Variants in ABCA13 observed in about 807,000 individuals in gnomAD.
ABCA13 encodes the protein ATP-binding cassette sub-family A member 13.
In ABCA13, 476 loss-of-function variants were observed where a neutral mutation model predicts 478.7. The observed-to-expected ratio is 0.99, with a 90% confidence interval of 0.92 to 1.07. The LOEUF (loss-of-function observed/expected upper bound fraction) is 1.07. Among genes scored for constraint, ABCA13 ranks in the 50% least tolerant of loss-of-function variants. ABCA13 has a pLI of 0.00. For missense variants in ABCA13, 6,060 were observed against 5,910.6 expected (o/e 1.03, Z -0.83); for synonymous variants, 2,252 against 2,158.9 (o/e 1.04, Z -1.20).
At chr7:48,473,607 C>T (rs921840635) in intron 45 of ABCA13, among the ~76,000 whole-genome samples, 1 of 152,072 alleles carries the variant, frequency 6.6e-6, no homozygotes, top group Non-Finnish European at 1.5e-5. Context: ...AGTCGTTTGT[C>T]AGGGATTCTC....
chr7:48,282,583 A>G (rs1797198023), intron 19 of ABCA13, among the ~76,000 whole-genome samples: 1 of 152,160 alleles, frequency 6.6e-6, no homozygotes, highest in Admixed American at 6.5e-5. Context: ...CTTACTCCAT[A>G]TCCTGGCCCC....
intron 38 of ABCA13, among the ~76,000 whole-genome samples, chr7:48,395,267 G>A (rs935938959): frequency 1.3e-5 from 2 of 152,196 alleles, no homozygotes; most frequent in African/African-American, 2.4e-5. Flanking sequence ...GCTGGGGTGA[G>A]CCCAAGTCGC....
At chr7:48,182,802 G>C (rs1282423461) in intron 1 of ABCA13, among the ~76,000 whole-genome samples, 4 of 152,198 alleles carry the variant, frequency 2.6e-5, no homozygotes, top group African/African-American at 9.7e-5. Context: ...ACTCCTAACT[G>C]TAAAGGATCT....
At chr7:48,595,578 G>C (rs1220443985) in intron 58 of ABCA13, among the ~76,000 whole-genome samples, 2 of 152,178 alleles carry the variant, frequency 1.3e-5, no homozygotes, top group East Asian at 3.9e-4. Context: ...AGACTTCTGG[G>C]TCGGAGATGA....
intron 15 of ABCA13, among the ~76,000 whole-genome samples, chr7:48,265,558 A>G (rs1008636318): frequency 6.6e-6 from 1 of 151,472 alleles, no homozygotes; most frequent in Non-Finnish European, 1.5e-5. Flanking sequence ...GATTCTTAAA[A>G]ATTTTGATCT....
intron 58 of ABCA13, among the ~76,000 whole-genome samples, chr7:48,600,177 TTTACTC>T (rs1790733571): frequency 6.6e-6 from 1 of 152,206 alleles, no homozygotes; most frequent in Admixed American, 6.5e-5. Flanking sequence ...ATGTCTCTGT[TTTACTC>T]TAGCAGTATG....
chr7:48,374,738 C>A lies in ABCA13; in HGVS notation c.11203+322C>A, dbSNP rs751819650. Among the ~76,000 whole-genome samples, 56 of 152,134 alleles carry A rather than the reference C, an allele frequency of 3.7e-4. 1 individual carries two copies. The highest frequency in any genetic ancestry group is 7.2e-4 in the Admixed American group (11 of 15,282). ...TCTGAACCTTCCAAGATAGGGTGTG[C>A]AAATGTGTCCATCTGTTAGATCAGG... On this transcript the variant is annotated intron_variant, in intron 34 of 61. Coordinates refer to ENST00000435803, the MANE Select transcript of ABCA13 (RefSeq NM_152701.5).
intron 41 of ABCA13, among the ~76,000 whole-genome samples, chr7:48,417,210 C>A (rs571226500): frequency 6.6e-6 from 1 of 152,194 alleles, no homozygotes; most frequent in South Asian, 2.1e-4. Flanking sequence ...CAGGGGATAA[C>A]CCTCAAGATC....
chr7:48,625,411 A>T (rs1793573840), intron 59 of ABCA13, among the ~76,000 whole-genome samples: 1 of 152,248 alleles, frequency 6.6e-6, no homozygotes, highest in African/African-American at 2.4e-5. Context: ...CTATGGAATG[A>T]TGTGCTACTG....
intron 9 of ABCA13, 59 bp downstream of exon 9, chr7:48,239,464 C>A: frequency 6.6e-7 from 1 of 1,513,864 alleles, no homozygotes; most frequent in South Asian, 1.4e-5. Context: ...TGTCCAAATC[C>A]ATTCTCCTCC....
intron 3 of ABCA13, among the ~76,000 whole-genome samples, chr7:48,214,756 A>C (rs756549681): frequency 7.9e-5 from 12 of 152,140 alleles, no homozygotes; most frequent in Non-Finnish European, 1.8e-4. Context: ...GAGAATTAGG[A>C]CCTTTCTCTG....
At chr7:48,529,213 C>T (rs1023664072) in intron 55 of ABCA13, among the ~76,000 whole-genome samples, 4 of 152,200 alleles carry the variant, frequency 2.6e-5, no homozygotes, top group African/African-American at 9.6e-5. Flanking sequence ...TCAATTTGCT[C>T]TTTGATTTGT....
chr7:48,421,543 C>G (rs4490784), intron 41 of ABCA13, among the ~76,000 whole-genome samples: 57,970 of 152,040 alleles, frequency 0.38, 11,706 homozygotes, highest in African/African-American at 0.51. Flanking sequence ...GGTTTTTGTG[C>G]CTTTTAACTC....
chr7:48,175,497 T>C (rs1448613368), intron 1 of ABCA13, among the ~76,000 whole-genome samples: 5 of 151,636 alleles, frequency 3.3e-5, no homozygotes, highest in Non-Finnish European at 7.4e-5. Context: ...CTCGGCTCAC[T>C]GCAACCTCTG....
At chr7:48,232,695 T>G (rs1789333997) in intron 7 of ABCA13, among the ~76,000 whole-genome samples, 2 of 152,230 alleles carry the variant, frequency 1.3e-5, no homozygotes, top group Non-Finnish European at 1.5e-5. Context: ...TGAATCCAAG[T>G]TGTCTTTCAC....
At chr7:48,509,577 T>C (rs1831501331) in intron 50 of ABCA13, among the ~76,000 whole-genome samples, 2 of 152,246 alleles carry the variant, frequency 1.3e-5, no homozygotes, top group Non-Finnish European at 2.9e-5. Flanking sequence ...CTCTGTGATG[T>C]TTGATCTTGG....
chr7:48,319,952 C>T (rs1003433239), intron 27 of ABCA13, among the ~76,000 whole-genome samples: 3 of 152,114 alleles, frequency 2.0e-5, no homozygotes, highest in Non-Finnish European at 2.9e-5. Flanking sequence ...TATCCCCATC[C>T]CTGAACACTT....
At position 48,361,905 on chromosome 7, in the gene ABCA13, G is replaced by T. The variant is rs925629999; in HGVS notation, c.10689-5889G>T. Among the ~76,000 whole-genome samples the T allele has an allele frequency of 2.0e-4, 31 of 151,986 alleles. 2 individuals are homozygous for T. Among genetic ancestry groups the T allele is most frequent in the African/African-American group, 6.5e-4 (27 of 41,386 alleles). On this transcript the variant is annotated intron_variant, in intron 31 of 61. Transcript: ENST00000435803. ...AATAAGAAACATACAAATTAAATCT[G>T]CTTTGTAATAGTATGTTTTTACATA...
At chr7:48,331,801 G>T (rs1375200033) in intron 27 of ABCA13, among the ~76,000 whole-genome samples, 2 of 152,082 alleles carry the variant, frequency 1.3e-5, no homozygotes, top group African/African-American at 4.8e-5. Flanking sequence ...ACCTGTGTAG[G>T]TTTGTGTATT....
Sources: gnomAD v4.1 joint callset for allele counts (sites outside exome capture counted in the v4.1 genomes callset) on GRCh38, gnomAD v4.1.1 for gene constraint, MANE v1.5 for transcripts, NCBI Gene and HGNC (gene_info 2026-07-23, HGNC 2026-07-21) for gene names.